IQSEC3: variants seen among roughly 807,000 people sequenced by gnomAD.
IQSEC3 encodes IQ motif and Sec7 domain ArfGEF 3, also known as IQ motif and SEC7 domain-containing protein 3.
A neutral mutation model predicts 105.4 loss-of-function variants in IQSEC3; 50 were observed. The observed-to-expected ratio is 0.47, with a 90% confidence interval of 0.38 to 0.60. IQSEC3 has a LOEUF of 0.60. Among genes scored for constraint, IQSEC3 ranks in the 20% least tolerant of loss-of-function variants. The probability of loss-of-function intolerance (pLI) is 0.00; values close to 1 mark genes in which losing one functional copy is unlikely to be tolerated. For synonymous variants in IQSEC3, 708 were observed against 746.0 expected (o/e 0.95, Z 0.83); for missense variants, 1,415 against 1,630.0 (o/e 0.87, Z 2.27).
At chr12:68,702 T>G (rs1168502232) in intron 1 of IQSEC3, among the ~76,000 whole-genome samples, 1 of 152,268 alleles carries the variant, frequency 6.6e-6, no homozygotes, top group Non-Finnish European at 1.5e-5. Flanking sequence ...AATCTCATCT[T>G]CATCCAGGTG....
rs1555083143 is a variant in IQSEC3 at position 125,779 on chromosome 12, C to T, written c.770C>T (p.Ala257Val). 1.3e-6 allele frequency: 2 copies of T among 1,514,520 alleles called. No homozygotes were observed. Among genetic ancestry groups the T allele is most frequent in the Admixed American group, 4.2e-5 (2 of 48,048 alleles). 93.8% of individuals were successfully genotyped at this position (1,514,520 alleles called of 1,614,324 possible). Reference protein sequence around the residue: ...QEEEERPGAGAASPRAGPQHK... With the variant: ...QEEEERPGAGVASPRAGPQHK... ...GAGGAGGAGCGGCCGGGGGCAGGGG[C>T]TGCCTCCCCAAGGGCTGGCCCCCAG... is the stretch of plus-strand genomic sequence containing the variant. Residue 257 changes from alanine to valine, a missense_variant, in exon 3 of 14, where the codon GCT becomes GTT. Physicochemically the swap from Ala to Val is moderately conservative, Grantham distance 64. Transcript: ENST00000538872.
chr12:118,885 AG>A (rs1865132095), intron 2 of IQSEC3, among the ~76,000 whole-genome samples: 1 of 152,166 alleles, frequency 6.6e-6, no homozygotes, highest in South Asian at 2.1e-4. Context: ...GAGCCCAGAG[AG>A]GCTCACTACC....
intron 3 of IQSEC3, among the ~76,000 whole-genome samples, chr12:129,371 A>T (rs1865517456): frequency 6.6e-6 from 1 of 152,144 alleles, no homozygotes; most frequent in South Asian, 2.1e-4. Flanking sequence ...GGAACATAGG[A>T]ATGAAGGCAC....
At chr12:157,364 T>TG (rs1316903673) in intron 6 of IQSEC3, among the ~76,000 whole-genome samples, 164 bp from the exon 7 acceptor site, 13 of 150,996 alleles carry the variant, frequency 8.6e-5, no homozygotes, top group African/African-American at 2.9e-4. Flanking sequence ...GTGGGGCATT[T>TG]GGGGGTGTGG....
At position 157,013 on chromosome 12, in the gene IQSEC3, G is replaced by C; in HGVS notation, c.2154-12G>C. 1 of 1,584,854 alleles carries C rather than the reference G, an allele frequency of 6.3e-7. No homozygotes were observed. The highest frequency in any genetic ancestry group is 8.6e-7 in the Non-Finnish European group (1 of 1,164,684). On this transcript the variant is annotated splice_polypyrimidine_tract_variant and intron_variant, in intron 5 of 13. Coordinates refer to ENST00000538872, the MANE Select transcript of IQSEC3 (RefSeq NM_001170738.2). Reference sequence around the variant, plus strand: ...TGCCACCTGACCTCACACCCTCCCTGCCTGCCCTCAGCTGCGTGGTGGACG... The same window carrying C: ...TGCCACCTGACCTCACACCCTCCCTCCCTGCCCTCAGCTGCGTGGTGGACG...
chr12:99,048 G>T, intron 1 of IQSEC3, 98 bp from the exon 2 acceptor site: 1 of 1,107,266 alleles, frequency 9.0e-7, no homozygotes, highest in Non-Finnish European at 1.3e-6. Flanking sequence ...GGCGGGGGTA[G>T]GAGCAGCAAG....
chr12:87,230 C>T (rs1863946345), intron 1 of IQSEC3, among the ~76,000 whole-genome samples: 1 of 152,090 alleles, frequency 6.6e-6, no homozygotes, highest in Admixed American at 6.6e-5. Flanking sequence ...AAGCGGCTGT[C>T]AAGCTGGGGA....
At chr12:173,859 C>T (rs745455490) in intron 13 of IQSEC3, among the ~76,000 whole-genome samples, 1 of 152,178 alleles carries the variant, frequency 6.6e-6, no homozygotes, top group Non-Finnish European at 1.5e-5. Context: ...GGAGGGGGCT[C>T]ATGAGCATCA....
intron 1 of IQSEC3, among the ~76,000 whole-genome samples, chr12:69,409 A>C (rs747787739): frequency 6.6e-5 from 10 of 152,242 alleles, no homozygotes; most frequent in Non-Finnish European, 1.2e-4. Context: ...TCTGGAGAGG[A>C]GTTATAATAT....
At chr12:128,554 C>A (rs904265519) in intron 3 of IQSEC3, among the ~76,000 whole-genome samples, 1 of 152,166 alleles carries the variant, frequency 6.6e-6, no homozygotes. Flanking sequence ...CCCACCGACC[C>A]GCCAAGCCTC....
intron 12 of IQSEC3, among the ~76,000 whole-genome samples, chr12:170,776 C>T (rs1265757994): frequency 1.3e-5 from 2 of 152,368 alleles, no homozygotes; most frequent in South Asian, 2.1e-4. Context: ...CTGTGATCCA[C>T]GGAGGCTGAT....
Position 125,789 on chromosome 12 carries a change from A to T in IQSEC3, c.780A>T (p.Pro260=). 1 of 1,518,414 alleles carries T rather than the reference A, an allele frequency of 6.6e-7. No homozygotes were observed. The highest frequency in any genetic ancestry group is 8.8e-7 in the Non-Finnish European group (1 of 1,139,814). The allele number at this position is 1,518,414 out of a possible 1,614,324, so 94.1% of individuals were successfully genotyped here. A position where few individuals can be genotyped will look rare whatever the true frequency, so the allele number is the denominator to read the frequency against. The part of the protein sequence containing the change: ...EERPGAGAAS[P]RAGPQHKASP... ...GGCCGGGGGCAGGGGCTGCCTCCCC[A>T]AGGGCTGGCCCCCAGCACAAGGCCT... Residue 260 remains proline (P), a synonymous_variant, in exon 3 of 14, where the codon CCA becomes CCT. Coordinates refer to ENST00000538872, the MANE Select transcript of IQSEC3 (RefSeq NM_001170738.2).
At chr12:94,659 G>T (rs1282918155) in intron 1 of IQSEC3, among the ~76,000 whole-genome samples, 1 of 152,224 alleles carries the variant, frequency 6.6e-6, no homozygotes, top group Non-Finnish European at 1.5e-5. Context: ...CCCATCACAT[G>T]TGTCACTGCA....
intron 11 of IQSEC3, among the ~76,000 whole-genome samples, chr12:167,944 TG>T (rs1305610079): frequency 6.6e-6 from 1 of 152,178 alleles, no homozygotes; most frequent in Non-Finnish European, 1.5e-5. Context: ...AGCCCCTCTG[TG>T]GGGAGAGAAA....
chr12:92,298 G>A lies in IQSEC3; in HGVS notation c.555-6848G>A, dbSNP rs1442601476. 3.9e-5 allele frequency among the ~76,000 whole-genome samples: 6 copies of A among 152,320 alleles called. No individual in the cohort carries two copies. The South Asian group carries it at 6.2e-4, about 16-fold the overall frequency. ...GAAAAAGCCAGAGACCGAGAATGACGATGTTCCTTTTTCATAGAGGTCCTT... is the reference window on the plus strand; with the variant it reads ...GAAAAAGCCAGAGACCGAGAATGACAATGTTCCTTTTTCATAGAGGTCCTT... On this transcript the variant is annotated intron_variant, in intron 1 of 13. Transcript: ENST00000538872.
At position 165,814 on chromosome 12, in the gene IQSEC3, C is replaced by T. The variant is rs782285801; in HGVS notation, c.2895C>T (p.Asp965=). 1.4e-5 allele frequency: 22 copies of T among 1,613,922 alleles called. No individual in the cohort carries two copies. Among genetic ancestry groups the T allele is most frequent in the Middle Eastern group, 1.6e-4 (1 of 6,084 alleles). The change falls in exon 11 of 14, where the codon GAC becomes GAT. Residue 965 remains aspartate (D), a synonymous_variant. Coordinates refer to ENST00000538872, the MANE Select transcript of IQSEC3 (RefSeq NM_001170738.2). ...QVLHFCALGS[D]EMQKFVEDLK... is the part of the protein sequence containing the mutation. ...TGCATTTCTGTGCCCTGGGCTCGGA[C>T]GAGATGCAGAAGTTCGTGGAGGACC...
At chr12:111,561 C>T (rs981187326) in intron 2 of IQSEC3, 2 of 152,248 alleles carry the variant, frequency 1.3e-5, no homozygotes, top group East Asian at 1.9e-4. Context: ...TCTTACACAC[C>T]CCAAGACCTC....
At chr12:98,534 A>G (rs1555075266) in intron 1 of IQSEC3, among the ~76,000 whole-genome samples, 1 of 152,214 alleles carries the variant, frequency 6.6e-6, no homozygotes, top group Non-Finnish European at 1.5e-5. Context: ...TTAGCCTCGT[A>G]TGACACAGCT....
At chr12:135,024 G>C (rs1289879595) in intron 3 of IQSEC3, among the ~76,000 whole-genome samples, 1 of 152,234 alleles carries the variant, frequency 6.6e-6, no homozygotes, top group Non-Finnish European at 1.5e-5. Flanking sequence ...CAGCTACTCA[G>C]GAGGCTGAGG....
Sources: allele counts gnomAD v4.1 joint callset (sites outside exome capture counted in the v4.1 genomes callset), GRCh38; gene constraint gnomAD v4.1.1; transcripts MANE v1.5; gene names NCBI Gene and HGNC (gene_info 2026-07-23, HGNC 2026-07-21).